The following COPS3 variants were observed in gnomAD, a reference collection of about 807,000 sequenced individuals.
The protein encoded by COPS3 is COP9 signalosome complex subunit 3.
Under a neutral mutation model 58.2 loss-of-function variants are expected in COPS3, and 10 were observed. The observed-to-expected ratio is 0.17, with a 90% CI of 0.11 to 0.29. The LOEUF is 0.29. COPS3 is among the 10% of genes least tolerant of loss of function. COPS3 has a pLI of 1.00. For missense variants in COPS3, 333 were observed against 510.1 expected, an observed-to-expected ratio of 0.65 and a Z score of 3.34; for synonymous variants, 187 against 181.7, an observed-to-expected ratio of 1.03 and a Z score of -0.24.
In COPS3 at chr17:17,280,611, A is replaced by G; in HGVS notation, c.55+521T>C. The G allele has an allele frequency of 3.1e-6, 4 of 1,302,428 alleles. No individual in the cohort carries two copies. The South Asian group carries it at 3.7e-5, about 12-fold the overall frequency. The allele number at this position is 1,302,428 out of a possible 1,614,324, so 80.7% of individuals were successfully genotyped here. A position where few individuals can be genotyped will look rare whatever the true frequency, so the allele number is the denominator to read the frequency against. ...CCGCAGCATTCTGTAGGACCAAAAT[A>G]GGCGCACAGGTTCCCGAGCGTGCGC... On this transcript the variant is annotated intron_variant, in intron 1 of 11. Coordinates refer to ENST00000268717, the MANE Select transcript of COPS3 (RefSeq NM_003653.4).
intron 7 of COPS3, among the ~76,000 whole-genome samples, chr17:17,261,231 A>G (rs1299376939): frequency 6.6e-6 from 1 of 152,210 alleles, no homozygotes; most frequent in East Asian, 1.9e-4. Context: ...TTCTGCTAGC[A>G]AGAAGGAAGA....
intron 5 of COPS3, among the ~76,000 whole-genome samples, chr17:17,267,563 G>A (rs1003865551): frequency 6.6e-6 from 1 of 151,324 alleles, no homozygotes; most frequent in African/African-American, 2.4e-5. Context: ...GCTTGAACCC[G>A]GGAGGCAGAG....
At chr17:17,268,291 T>C (rs1282075459) in intron 4 of COPS3, among the ~76,000 whole-genome samples, 1 of 152,204 alleles carries the variant, frequency 6.6e-6, no homozygotes, top group Non-Finnish European at 1.5e-5. Context: ...TCTAAACAAA[T>C]GAAAACTTTC....
chr17:17,280,400 CAA>C (rs377400440), intron 1 of COPS3, among the ~76,000 whole-genome samples: 4 of 108,202 alleles, frequency 3.7e-5, no homozygotes, highest in Non-Finnish European at 3.9e-5. Flanking sequence ...GACTCCGTCT[CAA>C]AAAAAAAAAA....
intron 8 of COPS3, among the ~76,000 whole-genome samples, chr17:17,255,700 C>A (rs1349473975): frequency 6.6e-6 from 1 of 151,534 alleles, no homozygotes; most frequent in Non-Finnish European, 1.5e-5. Flanking sequence ...ATTTGCCAGG[C>A]ATGGTGGCAG....
chr17:17,256,548 A>G (rs1312355667), intron 8 of COPS3, among the ~76,000 whole-genome samples: 2 of 152,162 alleles, frequency 1.3e-5, no homozygotes, highest in East Asian at 3.8e-4. Context: ...GCAGCTGGTA[A>G]TATTTACAAC....
chr17:17,248,948 A>G lies in COPS3; in HGVS notation c.1115T>C (p.Met372Thr). The change falls in exon 10 of 12, where the codon ATG (methionine) becomes ACG (threonine). Residue 372 changes from methionine to threonine, a missense_variant. By Grantham distance (81) the Met-to-Thr change is moderately conservative. Transcript: ENST00000268717. ...TACCTCCTGATCAATGTTATGAAGC[A>G]TGGCTGGGTTATTATATTTTTCAGG... ...DNPEKYNNPAMLHNIDQEMLK... is the reference protein window; with the variant it reads ...DNPEKYNNPATLHNIDQEMLK... 6.2e-7 allele frequency: 1 copy of G among 1,603,636 alleles called. No individual in the cohort carries two copies. Among genetic ancestry groups the G allele is most frequent in the South Asian group, 1.1e-5 (1 of 89,118 alleles).
At chr17:17,255,374 A>C (rs991628398) in intron 8 of COPS3, among the ~76,000 whole-genome samples, 2 of 151,522 alleles carry the variant, frequency 1.3e-5, no homozygotes, top group Non-Finnish European at 2.9e-5. Flanking sequence ...GCTACTTGGG[A>C]GGCTGAGACA....
intron 9 of COPS3, among the ~76,000 whole-genome samples, chr17:17,251,331 G>A (rs1352324386): frequency 6.6e-6 from 1 of 151,616 alleles, no homozygotes; most frequent in East Asian, 1.9e-4. Flanking sequence ...TTTCGCTCTT[G>A]TCACCCAGGC....
In COPS3 at chr17:17,260,464, T is replaced by C. The variant is rs758050667; in HGVS notation, c.773A>G (p.Asn258Ser). 20 of 1,613,966 alleles carry C rather than the reference T, an allele frequency of 1.2e-5. No individual in the cohort carries two copies. The highest frequency in any genetic ancestry group is 5.0e-5 in the Admixed American group (3 of 59,974). ...CACTTGTGCTAACTCGTGGTATGCA[T>C]TGCTAAGAGGCTAAAGATGCAAAGG... ...IVGRFIKPLS[N>S]AYHELAQVYS... The change falls in exon 8 of 12, where the codon AAT becomes AGT. Residue 258 changes from asparagine (N) to serine (S), a missense_variant. Coordinates refer to ENST00000268717, the MANE Select transcript of COPS3 (RefSeq NM_003653.4).
rs28674758 is a variant in COPS3 at position 17,271,840 on chromosome 17, C to A, written c.186-832G>T. Among the ~76,000 whole-genome samples, 194 of 139,130 alleles carry A rather than the reference C, an allele frequency of 1.4e-3. 1 individual carries two copies. The highest frequency in any genetic ancestry group is 3.6e-3 in the Middle Eastern group (1 of 274). 91.3% of individuals were successfully genotyped at this position (139,130 alleles called of 152,430 possible). A position where few individuals can be genotyped will look rare whatever the true frequency, so the allele number is the denominator to read the frequency against. ...TCTCAAAAAAAAAATCTATATATAT[C>A]TATATATATATATATATACACACAT... On this transcript the variant is annotated intron_variant, in intron 2 of 11. Coordinates refer to ENST00000268717, the MANE Select transcript of COPS3 (RefSeq NM_003653.4).
In COPS3 at chr17:17,254,960, CA is replaced by C; in HGVS notation, c.937-16del. ...GTTAAAAAGGTCTGAAAGTCAGAAG[CA>C]GAATTAGTCACAGGTAGGAACAACG... On this transcript the variant is annotated splice_polypyrimidine_tract_variant and intron_variant, in intron 8 of 11. Transcript: ENST00000268717. 6.4e-7 allele frequency: 1 copy of C among 1,571,748 alleles called. No individual in the cohort carries two copies. The highest frequency in any genetic ancestry group is 8.7e-7 in the Non-Finnish European group (1 of 1,143,230).
intron 10 of COPS3, 32 bp downstream of exon 10, chr17:17,248,894 T>G: frequency 7.4e-7 from 1 of 1,342,956 alleles, no homozygotes; most frequent in Non-Finnish European, 1.0e-6. Context: ...AACCATCAAT[T>G]AAAAAAATAA....
chr17:17,249,350 G>GA (rs966706562), intron 9 of COPS3, among the ~76,000 whole-genome samples: 6 of 152,012 alleles, frequency 3.9e-5, no homozygotes, highest in African/African-American at 1.5e-4. Flanking sequence ...ATTTGAGATG[G>GA]AGTCTCGCTG....
chr17:17,268,012 C>G (rs1437267429), intron 4 of COPS3, 35 bp from the exon 5 acceptor site: 1 of 1,609,568 alleles, frequency 6.2e-7, no homozygotes. Flanking sequence ...GATAAGTTCT[C>G]AAAGATGGCA....
chr17:17,261,544 A>G (rs1356015571), intron 7 of COPS3: 4 of 341,328 alleles, frequency 1.2e-5, no homozygotes, highest in Non-Finnish European at 2.2e-5. Flanking sequence ...ATAAATAAAT[A>G]AATAAAATGA....
At chr17:17,255,255 G>A (rs150249804) in intron 8 of COPS3, among the ~76,000 whole-genome samples, 2,149 of 151,920 alleles carry the variant, frequency 0.014, 31 homozygotes, top group South Asian at 0.034. Context: ...AGTGGAGACT[G>A]AGCCACTGAA....
At chr17:17,270,690 A>G (rs1380553740) in intron 4 of COPS3, 68 bp downstream of exon 4, 2 of 1,354,854 alleles carry the variant, frequency 1.5e-6, no homozygotes, top group African/African-American at 1.5e-5. Flanking sequence ...ATCTTGATAA[A>G]GTAATTCATT....
At chr17:17,263,588 A>G (rs973803366) in intron 6 of COPS3, among the ~76,000 whole-genome samples, 2 of 137,038 alleles carry the variant, frequency 1.5e-5, no homozygotes, top group African/African-American at 5.5e-5. Context: ...ATCTCGGCTC[A>G]CTGCAACCTC....
Sources: allele counts gnomAD v4.1 joint callset (sites outside exome capture counted in the v4.1 genomes callset), GRCh38; gene constraint gnomAD v4.1.1; transcripts MANE v1.5; gene names NCBI Gene and HGNC (gene_info 2026-07-23, HGNC 2026-07-21).